Variants in MAN2A1 observed in about 807,000 individuals in gnomAD.
The protein encoded by MAN2A1 is alpha-mannosidase 2.
Under a neutral mutation model 142.6 loss-of-function variants are expected in MAN2A1, and 76 were observed. The ratio of observed to expected loss-of-function variants is 0.53; its 90% CI spans 0.44 to 0.65. The LOEUF (loss-of-function observed/expected upper bound fraction) is 0.65, where lower values mean the gene tolerates loss of function less well. Ranked by LOEUF, MAN2A1 falls within the 30% of genes least tolerant of loss-of-function variation. The probability of loss-of-function intolerance (pLI) is 0.00; values close to 1 mark genes in which losing one functional copy is unlikely to be tolerated. For missense variants in MAN2A1, 1,311 were observed against 1,365.1 expected (o/e 0.96, Z 0.62); for synonymous variants, 559 against 473.2 (o/e 1.18, Z -2.35).
intron 19 of MAN2A1, chr5:109,853,601 T>A (rs1221379902): frequency 6.6e-6 from 1 of 152,158 alleles, no homozygotes; most frequent in Non-Finnish European, 1.5e-5. Flanking sequence ...TGACCTAGAG[T>A]GGACTTAATA....
At chr5:109,731,103 G>A (rs1199685846) in intron 4 of MAN2A1, among the ~76,000 whole-genome samples, 1 of 151,840 alleles carries the variant, frequency 6.6e-6, no homozygotes, top group Non-Finnish European at 1.5e-5. Context: ...CATAATAGTT[G>A]TACATGTTTA....
In MAN2A1 at chr5:109,773,356, CT is replaced by C. The variant is rs541297376; in HGVS notation, c.1197-1431del. Reference sequence around the variant, plus strand: ...TTTACACATATGTATACAAGATACTCTATATCTAATAGTAAACCCTTTTTTA... The same window carrying C: ...TTTACACATATGTATACAAGATACTCATATCTAATAGTAAACCCTTTTTTA... On this transcript the variant is annotated intron_variant, in intron 7 of 21. Transcript: ENST00000261483. Among the ~76,000 whole-genome samples the C allele has an allele frequency of 1.8e-4, 27 of 152,204 alleles. No homozygotes were observed. In the South Asian group the frequency reaches 5.6e-3, roughly 32 times the overall value.
intron 12 of MAN2A1, among the ~76,000 whole-genome samples, chr5:109,812,896 C>G (rs182150510): frequency 3.6e-4 from 55 of 152,210 alleles, no homozygotes; most frequent in African/African-American, 1.2e-3. Flanking sequence ...GAACATTATT[C>G]TGTGCTAGGT....
chr5:109,722,624 C>T (rs943484326), intron 3 of MAN2A1, among the ~76,000 whole-genome samples: 7 of 152,102 alleles, frequency 4.6e-5, no homozygotes, highest in Non-Finnish European at 8.8e-5. Context: ...CCATGTTGGC[C>T]AGGCTGGTCT....
chr5:109,836,545 G>A (rs1755061842), intron 16 of MAN2A1, among the ~76,000 whole-genome samples: 1 of 152,170 alleles, frequency 6.6e-6, no homozygotes, highest in Non-Finnish European at 1.5e-5. Flanking sequence ...CCCAGTGGGG[G>A]AAGGCTCTGA....
chr5:109,857,758 A>G (rs191820308), intron 20 of MAN2A1, among the ~76,000 whole-genome samples: 19 of 152,196 alleles, frequency 1.2e-4, no homozygotes, highest in Non-Finnish European at 2.2e-4. Flanking sequence ...CCCGTTGCCT[A>G]CTGAATTGGT....
At chr5:109,774,682 A>G in intron 7 of MAN2A1, 106 bp from the exon 8 acceptor site, 1 of 790,902 alleles carries the variant, frequency 1.3e-6, no homozygotes, top group Non-Finnish European at 2.0e-6. Context: ...TCTTTTAATA[A>G]AATGTACTTT....
At chr5:109,808,860 T>C (rs1334979361) in intron 12 of MAN2A1, among the ~76,000 whole-genome samples, 1 of 151,914 alleles carries the variant, frequency 6.6e-6, no homozygotes, top group Non-Finnish European at 1.5e-5. Flanking sequence ...CGCACCACCA[T>C]GCTGGCTAAT....
At chr5:109,744,181 G>A (rs1376544589) in intron 4 of MAN2A1, among the ~76,000 whole-genome samples, 1 of 152,012 alleles carries the variant, frequency 6.6e-6, no homozygotes, top group East Asian at 1.9e-4. Context: ...AAATGTAGGA[G>A]GTAAGCAAGA....
chr5:109,727,813 C>CTGG (rs1399886659), intron 3 of MAN2A1, among the ~76,000 whole-genome samples: 1 of 152,158 alleles, frequency 6.6e-6, no homozygotes, highest in African/African-American at 2.4e-5. Flanking sequence ...GGGCTATTCC[C>CTGG]TGGGAATCCA....
intron 6 of MAN2A1, among the ~76,000 whole-genome samples, chr5:109,769,779 A>G (rs1753091001): frequency 6.6e-6 from 1 of 152,150 alleles, no homozygotes; most frequent in South Asian, 2.1e-4. Context: ...CATTCTTGGT[A>G]AACATGGGGT....
intron 12 of MAN2A1, among the ~76,000 whole-genome samples, chr5:109,799,348 A>G (rs1035265917): frequency 5.3e-5 from 8 of 152,190 alleles, no homozygotes; most frequent in Non-Finnish European, 1.2e-4. Context: ...TATGTGCTCC[A>G]GCCCCACAAT....
chr5:109,706,017 G>T (rs1277902112), intron 1 of MAN2A1, among the ~76,000 whole-genome samples: 1 of 152,186 alleles, frequency 6.6e-6, no homozygotes, highest in African/African-American at 2.4e-5. Context: ...GTCATGTAAG[G>T]CAAGGTATTC....
At chr5:109,855,505 T>C (rs1231438415) in intron 20 of MAN2A1, among the ~76,000 whole-genome samples, 171 bp downstream of exon 20, 2 of 152,204 alleles carry the variant, frequency 1.3e-5, no homozygotes. Flanking sequence ...TATTGCTGTA[T>C]ATTTTAGAGT....
At chr5:109,841,122 C>T (rs1473613808) in intron 16 of MAN2A1, among the ~76,000 whole-genome samples, 4 of 151,972 alleles carry the variant, frequency 2.6e-5, no homozygotes, top group African/African-American at 9.7e-5. Context: ...TTAGAAGGTC[C>T]TGTAATATCT....
intron 12 of MAN2A1, among the ~76,000 whole-genome samples, chr5:109,797,565 A>G (rs1412049732): frequency 6.6e-6 from 1 of 152,162 alleles, no homozygotes; most frequent in African/African-American, 2.4e-5. Flanking sequence ...GAAGATGATG[A>G]TCGGTATGGA....
At chr5:109,798,703 A>G (rs999346908) in intron 12 of MAN2A1, among the ~76,000 whole-genome samples, 1 of 151,916 alleles carries the variant, frequency 6.6e-6, no homozygotes, top group Non-Finnish European at 1.5e-5. Context: ...TGTTTTTGAG[A>G]TGGAGTATCG....
At chr5:109,706,197 G>GA (rs1438950727) in intron 1 of MAN2A1, among the ~76,000 whole-genome samples, 13 of 152,278 alleles carry the variant, frequency 8.5e-5, no homozygotes, top group African/African-American at 2.9e-4. Flanking sequence ...GCAGCACAGA[G>GA]AAGTTATGTA....
chr5:109,822,838 T>C (rs1252762923), intron 15 of MAN2A1, among the ~76,000 whole-genome samples: 3 of 152,196 alleles, frequency 2.0e-5, no homozygotes, highest in South Asian at 2.1e-4. Flanking sequence ...CCACCAAGTC[T>C]GGCTAATTTT....
Sources: gnomAD v4.1 joint callset for allele counts (sites outside exome capture counted in the v4.1 genomes callset) on GRCh38, gnomAD v4.1.1 for gene constraint, MANE v1.5 for transcripts, NCBI Gene and HGNC (gene_info 2026-07-23, HGNC 2026-07-21) for gene names.